Variants in ABRA observed in about 807,000 individuals in gnomAD.
ABRA encodes actin-binding Rho-activating protein.
Under a neutral mutation model 33.4 loss-of-function variants are expected in ABRA, and 25 were observed. That is an observed-to-expected ratio of 0.75 (90% CI 0.55 to 1.04). The LOEUF is 1.04. ABRA is among the 50% of genes least tolerant of loss of function. The pLI is 0.00. For missense variants in ABRA, 501 were observed against 491.7 expected (o/e 1.02, Z -0.18); for synonymous variants, 193 against 176.8 (o/e 1.09, Z -0.73).
Position 106,769,949 on chromosome 8 carries a change from G to C in ABRA, c.242C>G (p.Ser81Trp). The change falls in exon 1 of 2, where the codon TCG becomes TGG. Residue 81 changes from serine (S) to tryptophan (W), a missense_variant. Ser to Trp is a radical substitution (Grantham distance 177, BLOSUM62 -3). Coordinates refer to ENST00000311955, the MANE Select transcript of ABRA (RefSeq NM_139166.5). ...ATGTCCTTCTGGCAGGCGGGGTGGC[G>C]ACTTTGGGGCACTCTGAGCTTTCTG... is the stretch of plus-strand genomic sequence containing the variant. ...SHQKAQSAPK[S>W]PPRLPEGHGD... 1 of 1,613,808 alleles carries C rather than the reference G, an allele frequency of 6.2e-7. No individual in the cohort carries two copies. Among genetic ancestry groups the C allele is most frequent in the South Asian group, 1.1e-5 (1 of 91,056 alleles).
chr8:106,762,851 A>G lies in ABRA; in HGVS notation c.669-1337T>C, dbSNP rs371994437. On this transcript the variant is annotated intron_variant, in intron 1 of 1. Coordinates refer to ENST00000311955, the MANE Select transcript of ABRA (RefSeq NM_139166.5). ...CATCCCTGCCATTTCTCTGTCTCCAATTGCCTAGACTTTTTCCCTAGGTCT... is the reference window on the plus strand; with the variant it reads ...CATCCCTGCCATTTCTCTGTCTCCAGTTGCCTAGACTTTTTCCCTAGGTCT... 5.9e-5 allele frequency among the ~76,000 whole-genome samples: 9 copies of G among 152,248 alleles called. No homozygotes were observed. The East Asian group carries it at 9.7e-4, about 16-fold the overall frequency.
intron 1 of ABRA, among the ~76,000 whole-genome samples, chr8:106,768,445 A>G (rs748844568): frequency 1.1e-4 from 16 of 152,356 alleles, no homozygotes; most frequent in Admixed American, 3.3e-4. Flanking sequence ...CAAATAGGAC[A>G]AACTGTTTTT....
intron 1 of ABRA, among the ~76,000 whole-genome samples, chr8:106,766,344 G>T (rs897659487): frequency 1.3e-5 from 2 of 151,894 alleles, no homozygotes; most frequent in African/African-American, 2.4e-5. Flanking sequence ...ACTATCCATG[G>T]AACATCTTAA....
chr8:106,761,657 G>C, intron 1 of ABRA, 143 bp from the exon 2 acceptor site: 1 of 708,374 alleles, frequency 1.4e-6, no homozygotes, highest in Non-Finnish European at 2.2e-6. Context: ...TAAAAAATTA[G>C]AAATGAAAGA....
Position 106,761,189 on chromosome 8 carries a change from T to C in ABRA, c.994A>G (p.Thr332Ala), listed in dbSNP as rs1307014275. Reference sequence around the variant, plus strand: ...TATCTGTCAAAGAGATCTCCAAAAGTAACCTGGATCTTGCCATCTCGTCTG... The same window carrying C: ...TATCTGTCAAAGAGATCTCCAAAAGCAACCTGGATCTTGCCATCTCGTCTG... ...RHRRDGKIQV[T>A]FGDLFDRYVR... Residue 332 changes from threonine to alanine, a missense_variant, in exon 2 of 2, where the codon ACT becomes GCT. Transcript: ENST00000311955. 6.2e-7 allele frequency: 1 copy of C among 1,614,214 alleles called. No individual in the cohort carries two copies. Among genetic ancestry groups the C allele is most frequent in the Non-Finnish European group, 8.5e-7 (1 of 1,180,040 alleles).
Position 106,770,086 on chromosome 8 carries a change from C to T in ABRA, c.105G>A (p.Gln35=). 1.2e-6 allele frequency: 2 copies of T among 1,614,040 alleles called. No individual in the cohort carries two copies. The highest frequency in any genetic ancestry group is 1.7e-6 in the Non-Finnish European group (2 of 1,179,940). The change falls in exon 1 of 2, where the codon CAG becomes CAA. Residue 35 remains glutamine (Q), a synonymous_variant. Coordinates refer to ENST00000311955, the MANE Select transcript of ABRA (RefSeq NM_139166.5). ...GCCTGATGCTGTTCTCATTCGCCCA[C>T]TGCTGCCAACCTCGGGCCAAGCTGA... is the stretch of plus-strand genomic sequence containing the variant. ...LVISLARGWQ[Q]WANENSIRQA...
At position 106,761,357 on chromosome 8, in the gene ABRA, A is replaced by G. The variant is rs1836136383; in HGVS notation, c.826T>C (p.Ser276Pro). 2 of 1,613,916 alleles carry G rather than the reference A, an allele frequency of 1.2e-6. No individual in the cohort carries two copies. The highest frequency in any genetic ancestry group is 1.7e-6 in the Non-Finnish European group (2 of 1,180,022). Residue 276 changes from serine (S) to proline (P), a missense_variant, in exon 2 of 2, where the codon TCC becomes CCC. Ser to Pro is a moderately conservative substitution (Grantham distance 74). Coordinates refer to ENST00000311955, the MANE Select transcript of ABRA (RefSeq NM_139166.5). ...SEEFDYELAM[S>P]TRLHKGDEGY... ...TCATCTCCTTTGTGTAGGCGGGTGGACATGGCCAGCTCGTAATCAAACTCT... is the reference window on the plus strand; with the variant it reads ...TCATCTCCTTTGTGTAGGCGGGTGGGCATGGCCAGCTCGTAATCAAACTCT...
chr8:106,764,347 C>T (rs923286111), intron 1 of ABRA, among the ~76,000 whole-genome samples: 4 of 152,146 alleles, frequency 2.6e-5, no homozygotes, highest in Admixed American at 2.0e-4. Flanking sequence ...TTGGTGTGTG[C>T]CAATAAATCT....
Position 106,761,401 on chromosome 8 carries a change from T to G in ABRA, c.782A>C (p.Lys261Thr). 6.2e-7 allele frequency: 1 copy of G among 1,614,240 alleles called. No homozygotes were observed. Among genetic ancestry groups the G allele is most frequent in the South Asian group, 1.1e-5 (1 of 91,092 alleles). ...QWADEHIQSQ[K>T]LNPFSEEFDY... ...AAACTCTTCACTGAAAGGATTGAGC[T>G]TCTGGGATTGTATGTGTTCATCAGC... The change falls in exon 2 of 2, where the codon AAG (lysine) becomes ACG (threonine). Residue 261 changes from lysine (K) to threonine (T), a missense_variant. Physicochemically the swap from Lys to Thr is moderately conservative, Grantham distance 78. Transcript: ENST00000311955.
rs766133371 is a variant in ABRA at position 106,769,948 on chromosome 8, C to T, written c.243G>A (p.Ser81=). The T allele has an allele frequency of 2.2e-5, 36 of 1,613,446 alleles. No individual in the cohort carries two copies. The highest frequency in any genetic ancestry group is 8.9e-5 in the East Asian group (4 of 44,840). The change falls in exon 1 of 2, where the codon TCG becomes TCA. Residue 81 remains serine, a synonymous_variant. Coordinates refer to ENST00000311955, the MANE Select transcript of ABRA (RefSeq NM_139166.5). ...CATGTCCTTCTGGCAGGCGGGGTGGCGACTTTGGGGCACTCTGAGCTTTCT... is the reference window on the plus strand; with the variant it reads ...CATGTCCTTCTGGCAGGCGGGGTGGTGACTTTGGGGCACTCTGAGCTTTCT... ...SHQKAQSAPK[S]PPRLPEGHGD... is the part of the protein sequence containing the mutation.
rs561368599 is a variant in ABRA at position 106,763,569 on chromosome 8, G to A, written c.669-2055C>T. Among the ~76,000 whole-genome samples, 19 of 152,272 alleles carry A rather than the reference G, an allele frequency of 1.2e-4. No individual in the cohort carries two copies. The South Asian group carries it at 3.9e-3, about 32-fold the overall frequency. On this transcript the variant is annotated intron_variant, in intron 1 of 1. Transcript: ENST00000311955. ...CTTTTCCTGTTCAGCTGCCCTCAGT[G>A]TGGGCTGCTCAATCTCATTATCAAA...
At chr8:106,762,432 G>A (rs1023472240) in intron 1 of ABRA, among the ~76,000 whole-genome samples, 12 of 152,132 alleles carry the variant, frequency 7.9e-5, no homozygotes, top group African/African-American at 2.4e-4. Context: ...AATAAGTTGC[G>A]TTTTAAATGT....
In ABRA at chr8:106,768,975, C is replaced by A. The variant is rs1810548512; in HGVS notation, c.668+548G>T. 2.0e-5 allele frequency among the ~76,000 whole-genome samples: 3 copies of A among 152,158 alleles called. No individual in the cohort carries two copies. In the South Asian group the frequency reaches 6.2e-4, roughly 32 times the overall value. ...TAAAAATGACTAGTTAGGGGCAGAACTAGGATTTGAACTTGGGTCTGTCTG... is the reference window on the plus strand; with the variant it reads ...TAAAAATGACTAGTTAGGGGCAGAAATAGGATTTGAACTTGGGTCTGTCTG... On this transcript the variant is annotated intron_variant, in intron 1 of 1. Transcript: ENST00000311955.
rs545063851 is a variant in ABRA at position 106,769,612 on chromosome 8, G to C, written c.579C>G (p.Asp193Glu). The C allele has an allele frequency of 2.5e-6, 4 of 1,614,152 alleles. No homozygotes were observed. The African/African-American group carries it at 4.0e-5, about 16-fold the overall frequency. The change falls in exon 1 of 2, where the codon GAC (aspartate) becomes GAG (glutamate). Residue 193 changes from aspartate to glutamate, a missense_variant. Coordinates refer to ENST00000311955, the MANE Select transcript of ABRA (RefSeq NM_139166.5). Reference sequence around the variant, plus strand: ...CCTCAGCCTCTCCTCCATAGCCGCTGTCCTCTGTGTCTACGCTGTCACTCC... The same window carrying C: ...CCTCAGCCTCTCCTCCATAGCCGCTCTCCTCTGTGTCTACGCTGTCACTCC... ...TWRSDSVDTE[D>E]SGYGGEAEER...
At chr8:106,767,523 T>C (rs914968146) in intron 1 of ABRA, among the ~76,000 whole-genome samples, 1 of 152,242 alleles carries the variant, frequency 6.6e-6, no homozygotes, top group Admixed American at 6.5e-5. Flanking sequence ...GAACCATGTC[T>C]GGTTTTAAAA....
chr8:106,769,191 G>T (rs1259709179), intron 1 of ABRA, among the ~76,000 whole-genome samples: 10 of 152,222 alleles, frequency 6.6e-5, no homozygotes, highest in Non-Finnish European at 1.5e-4. Flanking sequence ...AAGCCAATTT[G>T]TTACTCATTA....
In ABRA at chr8:106,760,545, A is replaced by G. The variant is rs1190007234; in HGVS notation, c.*492T>C. On this transcript the variant is annotated 3_prime_UTR_variant, in exon 2 of 2. Coordinates refer to ENST00000311955, the MANE Select transcript of ABRA (RefSeq NM_139166.5). Reference sequence around the variant, plus strand: ...AGACACATTATTATATGTTCTACTGATATTTATCTCAAGTCAGCATTCTTC... The same window carrying G: ...AGACACATTATTATATGTTCTACTGGTATTTATCTCAAGTCAGCATTCTTC... 1 of 148,908 alleles carries G rather than the reference A, an allele frequency of 6.7e-6. No individual in the cohort carries two copies. The highest frequency in any genetic ancestry group is 1.5e-5 in the Non-Finnish European group (1 of 67,756). The allele number at this position is 148,908 out of a possible 1,614,324, so 9.2% of individuals were successfully genotyped here.
In ABRA at chr8:106,761,848, T is replaced by G. The variant is rs192224879; in HGVS notation, c.669-334A>C. On this transcript the variant is annotated intron_variant, in intron 1 of 1. Coordinates refer to ENST00000311955, the MANE Select transcript of ABRA (RefSeq NM_139166.5). ...TCTTTAAGTTGAGTATTGGTAACAT[T>G]TTAGAACTGAAATCATGTAGGTGTT... 2.6e-5 allele frequency among the ~76,000 whole-genome samples: 4 copies of G among 152,322 alleles called. No homozygotes were observed. The East Asian group carries it at 7.7e-4, about 29-fold the overall frequency.
At position 106,761,052 on chromosome 8, in the gene ABRA, A is replaced by C. The variant is rs111803056; in HGVS notation, c.1131T>G (p.Ile377Met). 1.1e-4 allele frequency: 178 copies of C among 1,613,256 alleles called. 1 individual carries two copies. The highest frequency in any genetic ancestry group is 7.2e-4 in the Admixed American group (43 of 60,008). The part of the protein sequence containing the change: ...LWQGRDDHVV[I>M]TLLK ...TTTTGAAGGTTCACTTGAGTAGCGT[A>C]ATCACAACATGGTCATCTCGGCCTT... The change falls in exon 2 of 2, where the codon ATT (isoleucine) becomes ATG (methionine). Residue 377 changes from isoleucine to methionine, a missense_variant. Ile to Met is a conservative substitution (Grantham distance 10). Transcript: ENST00000311955.
Sources: gnomAD v4.1 joint callset for allele counts (sites outside exome capture counted in the v4.1 genomes callset) on GRCh38, gnomAD v4.1.1 for gene constraint, MANE v1.5 for transcripts, NCBI Gene and HGNC (gene_info 2026-07-23, HGNC 2026-07-21) for gene names.